The following SPATA13 variants were observed in gnomAD, a reference collection of about 807,000 sequenced individuals.
SPATA13 encodes spermatogenesis associated 13, also known as spermatogenesis-associated protein 13.
SPATA13 carries 50 observed loss-of-function variants against 104.0 expected under a neutral mutation model. The observed-to-expected ratio is 0.48, with a 90% CI of 0.38 to 0.61. SPATA13 has a LOEUF of 0.61. SPATA13 is among the 20% of genes least tolerant of loss of function. SPATA13 has a pLI of 0.00. For missense variants in SPATA13, 1,524 were observed against 1,690.6 expected, an observed-to-expected ratio of 0.90 and a Z score of 1.73; for synonymous variants, 606 against 667.5, an observed-to-expected ratio of 0.91 and a Z score of 1.42.
chr13:24,106,226 G>T (rs1003631031), intron 3 of SPATA13, among the ~76,000 whole-genome samples: 1 of 152,092 alleles, frequency 6.6e-6, no homozygotes, highest in African/African-American at 2.4e-5. Flanking sequence ...TACAGACAGG[G>T]CTTCTCTGTG....
chr13:24,155,063 G>A (rs1053744043), intron 3 of SPATA13, among the ~76,000 whole-genome samples: 2 of 152,014 alleles, frequency 1.3e-5, no homozygotes, highest in African/African-American at 4.8e-5. Flanking sequence ...TCACCATGTT[G>A]GCTAGGCTGG....
chr13:24,238,578 A>G (rs1177844361), intron 2 of SPATA13, among the ~76,000 whole-genome samples: 1 of 152,152 alleles, frequency 6.6e-6, no homozygotes, highest in Non-Finnish European at 1.5e-5. Flanking sequence ...CAGGAAAGAA[A>G]GCCACCTTGG....
At position 24,288,690 on chromosome 13, in the gene SPATA13, C is replaced by T. The variant is rs11149055; in HGVS notation, c.2668-309C>T. Among the ~76,000 whole-genome samples the T allele has an allele frequency of 6.4e-3, 980 of 152,254 alleles. 9 individuals are homozygous for T. Among genetic ancestry groups the T allele is most frequent in the African/African-American group, 0.023 (947 of 41,556 alleles). On this transcript the variant is annotated intron_variant, in intron 7 of 12. Transcript: ENST00000382108. ...GGAATTAGGGTTGGGAGAATGATTA[C>T]CTGAAGAGTTTGGAAAAACACGTGA...
chr13:24,019,632 A>T (rs1400633928), intron 3 of SPATA13, among the ~76,000 whole-genome samples: 1 of 152,192 alleles, frequency 6.6e-6, no homozygotes, highest in Non-Finnish European at 1.5e-5. Flanking sequence ...TCTTGTGTGT[A>T]CTTTATAATT....
At chr13:24,302,459 C>CAAAAAAAAAA (rs71070678) in intron 12 of SPATA13, 139 bp from the exon 13 acceptor site, 7 of 179,472 alleles carry the variant, frequency 3.9e-5, no homozygotes, top group African/African-American at 8.6e-5. Flanking sequence ...GACCCTGTCT[C>CAAAAAAAAAA]AAAAAAAAAA....
At chr13:24,174,584 A>G (rs1423292517) in intron 1 of SPATA13, among the ~76,000 whole-genome samples, 2 of 151,676 alleles carry the variant, frequency 1.3e-5, no homozygotes, top group South Asian at 2.1e-4. Flanking sequence ...ATTTTTTATT[A>G]TCACTTTTTT....
At chr13:23,985,040 G>T (rs568164767) in intron 2 of SPATA13, among the ~76,000 whole-genome samples, 1 of 152,140 alleles carries the variant, frequency 6.6e-6, no homozygotes, top group African/African-American at 2.4e-5. Flanking sequence ...CACCTCAGAC[G>T]CACCCTCCTC....
At chr13:24,147,843 C>T (rs567570902) in intron 3 of SPATA13, among the ~76,000 whole-genome samples, 4 of 152,300 alleles carry the variant, frequency 2.6e-5, no homozygotes, top group South Asian at 2.1e-4. Flanking sequence ...TCAGTGGAAT[C>T]GTACGGGATT....
At chr13:24,206,309 A>G (rs1004064076) in intron 1 of SPATA13, among the ~76,000 whole-genome samples, 12 of 152,230 alleles carry the variant, frequency 7.9e-5, no homozygotes, top group African/African-American at 2.9e-4. Flanking sequence ...AAACATGAAA[A>G]AAAGCTCAAT....
At chr13:24,266,847 A>C (rs888759147) in intron 4 of SPATA13, among the ~76,000 whole-genome samples, 1 of 150,108 alleles carries the variant, frequency 6.7e-6, no homozygotes, top group Non-Finnish European at 1.5e-5. Flanking sequence ...GCTGGTGTGC[A>C]GTGGTACAAT....
At position 23,998,335 on chromosome 13, in the gene SPATA13, T is replaced by C. The variant is rs1027174744; in HGVS notation, c.-147+14402T>C. On this transcript the variant is annotated intron_variant, in intron 2 of 14. Transcript: ENST00000424834. ...GCATTTTCTTAATGACTAATGACAT[T>C]GAGCTTTTTTCTTGTTCTTATTTTC... 2.0e-5 allele frequency among the ~76,000 whole-genome samples: 3 copies of C among 152,230 alleles called. No individual in the cohort carries two copies. In the South Asian group the frequency reaches 6.2e-4, roughly 32 times the overall value.
chr13:24,059,794 A>G (rs1352809542), intron 3 of SPATA13, among the ~76,000 whole-genome samples: 1 of 152,190 alleles, frequency 6.6e-6, no homozygotes, highest in East Asian at 1.9e-4. Context: ...GTCTGCATAC[A>G]GAGATAGTTT....
At chr13:23,988,929 A>G (rs1262749135) in intron 2 of SPATA13, among the ~76,000 whole-genome samples, 2 of 152,098 alleles carry the variant, frequency 1.3e-5, no homozygotes, top group Non-Finnish European at 2.9e-5. Flanking sequence ...GGGCTCTCCT[A>G]TGAAACAGGA....
At chr13:24,119,596 C>T (rs1880967180) in intron 3 of SPATA13, among the ~76,000 whole-genome samples, 1 of 152,190 alleles carries the variant, frequency 6.6e-6, no homozygotes, top group South Asian at 2.1e-4. Context: ...CCACAGCTCT[C>T]TAAAGGGTCC....
chr13:24,300,464 G>A lies in SPATA13; in HGVS notation c.3647G>A (p.Gly1216Glu), dbSNP rs759606721. Residue 1216 changes from glycine (G) to glutamate (E), a missense_variant, in exon 12 of 13, where the codon GGA (glycine) becomes GAA (glutamate). Physicochemically the swap from Gly to Glu is moderately conservative, Grantham distance 98. Around this residue, in one of 2 missense-constraint regions of SPATA13, gnomAD observed 435 missense variants for 554.8 expected, o/e 0.78. Transcript: ENST00000382108. ...TTAAATGCTCAAAAGGCAGGACATG[G>A]AAAGTCAAAAGGTAAGTTATGGAGA... Reference protein sequence around the residue: ...AMLNAQKAGHGKSKGYNRCPV... With the variant: ...AMLNAQKAGHEKSKGYNRCPV... 2 of 1,614,092 alleles carry A rather than the reference G, an allele frequency of 1.2e-6. No homozygotes were observed. Among genetic ancestry groups the A allele is most frequent in the Non-Finnish European group, 1.7e-6 (2 of 1,179,970 alleles).
In SPATA13 at chr13:24,000,153, C is replaced by G. The variant is rs1217802985; in HGVS notation, c.-147+16220C>G. On this transcript the variant is annotated intron_variant, in intron 2 of 14. Transcript: ENST00000424834. ...GATCAAATGAGCACAAAATCAAATACAGAATGTCAGCTGTGGTGGTCTAGA... is the reference window on the plus strand; with the variant it reads ...GATCAAATGAGCACAAAATCAAATAGAGAATGTCAGCTGTGGTGGTCTAGA... 2.6e-5 allele frequency among the ~76,000 whole-genome samples: 4 copies of G among 152,180 alleles called. No individual in the cohort carries two copies. In the East Asian group the frequency reaches 7.7e-4, roughly 29 times the overall value.
At chr13:24,198,406 A>G (rs929811878) in intron 1 of SPATA13, among the ~76,000 whole-genome samples, 3 of 152,194 alleles carry the variant, frequency 2.0e-5, no homozygotes, top group African/African-American at 7.2e-5. Context: ...CAGCAAGCCT[A>G]TTTCAGGTAC....
intron 3 of SPATA13, chr13:24,123,614 T>C: frequency 6.2e-7 from 1 of 1,606,696 alleles, no homozygotes; most frequent in Non-Finnish European, 8.5e-7. Flanking sequence ...TAAACAAAAG[T>C]GTCTGGGCAG....
intron 4 of SPATA13, chr13:24,270,663 A>G: frequency 7.6e-7 from 1 of 1,323,232 alleles, no homozygotes; most frequent in South Asian, 1.5e-5. Flanking sequence ...ACCCTTGGTC[A>G]CACGGAGTGT....
Sources: gnomAD v4.1 joint callset for allele counts (sites outside exome capture counted in the v4.1 genomes callset) on GRCh38, gnomAD v4.1.1 for gene constraint, gnomAD v4.1.1 regional missense constraint, MANE v1.5 for transcripts, NCBI Gene and HGNC (gene_info 2026-07-23, HGNC 2026-07-21) for gene names.